ORC2: variants seen among roughly 807,000 people sequenced by gnomAD.
ORC2 encodes origin recognition complex subunit 2, also known as origin recognition complex protein 2 homolog.
Under a neutral mutation model 77.7 loss-of-function variants are expected in ORC2, and 37 were observed. The ratio of observed to expected loss-of-function variants is 0.48; its 90% CI spans 0.37 to 0.63. The LOEUF is 0.63. ORC2 is among the 20% of genes least tolerant of loss of function. The probability of loss-of-function intolerance (pLI) is 0.00; values close to 1 mark genes in which losing one functional copy is unlikely to be tolerated. For synonymous variants in ORC2, 201 were observed against 229.5 expected (o/e 0.88, Z 1.12); for missense variants, 557 against 661.9 (o/e 0.84, Z 1.74).
At chr2:200,919,401 C>T (rs1308381122) in intron 15 of ORC2, among the ~76,000 whole-genome samples, 1 of 152,190 alleles carries the variant, frequency 6.6e-6, no homozygotes, top group Non-Finnish European at 1.5e-5. Context: ...CTCTGTCACG[C>T]AGGCTGGAGT....
chr2:200,947,535 G>C (rs912371738), intron 5 of ORC2, among the ~76,000 whole-genome samples: 16 of 152,070 alleles, frequency 1.1e-4, no homozygotes, highest in Non-Finnish European at 2.1e-4. Flanking sequence ...TACGTTATAA[G>C]CCCTCTTTTT....
At chr2:200,935,281 C>G (rs1357417923) in intron 9 of ORC2, among the ~76,000 whole-genome samples, 1 of 152,180 alleles carries the variant, frequency 6.6e-6, no homozygotes, top group Admixed American at 6.5e-5. Context: ...CATCACCACA[C>G]CTGGCTAATT....
intron 4 of ORC2, among the ~76,000 whole-genome samples, chr2:200,952,322 C>T (rs1351587065): frequency 6.6e-6 from 1 of 152,098 alleles, no homozygotes; most frequent in Non-Finnish European, 1.5e-5. Context: ...TGCAGTGGCA[C>T]GATCTAGGCT....
chr2:200,925,043 A>G (rs1327926555), intron 13 of ORC2, among the ~76,000 whole-genome samples: 4 of 152,230 alleles, frequency 2.6e-5, no homozygotes, highest in African/African-American at 9.6e-5. Context: ...TACAGGCGTC[A>G]GCCACTGCGC....
At position 200,912,585 on chromosome 2, in the gene ORC2, CTCT is replaced by C. The variant is rs745960470; in HGVS notation, c.1647+707_1647+709del. On this transcript the variant is annotated intron_variant, in intron 17 of 17. Transcript: ENST00000234296. ...TACAGCTGCGTGCCACCACAACCAGCTCTTTTTTTTTTTTCTTTCATAGACAGG... is the reference window on the plus strand; with the variant it reads ...TACAGCTGCGTGCCACCACAACCAGCTTTTTTTTTTTCTTTCATAGACAGG... Among the ~76,000 whole-genome samples, 353 of 151,884 alleles carry C rather than the reference CTCT, an allele frequency of 2.3e-3. 2 individuals are homozygous for C. Among genetic ancestry groups the C allele is most frequent in the Non-Finnish European group, 9.9e-4 (67 of 67,956 alleles).
intron 4 of ORC2, among the ~76,000 whole-genome samples, chr2:200,950,633 A>G (rs1407474931): frequency 6.6e-6 from 1 of 152,258 alleles, no homozygotes; most frequent in Admixed American, 6.5e-5. Context: ...GAAGAAGAAA[A>G]TCCAGTTGCC....
intron 2 of ORC2, among the ~76,000 whole-genome samples, chr2:200,958,419 A>G (rs1207968185): frequency 1.3e-5 from 2 of 152,216 alleles, no homozygotes; most frequent in East Asian, 3.8e-4. Flanking sequence ...ATTCTCAGAA[A>G]AACAATTTTA....
intron 4 of ORC2, among the ~76,000 whole-genome samples, chr2:200,954,901 AATG>A (rs2041439051): frequency 7.7e-6 from 1 of 129,634 alleles, no homozygotes; most frequent in African/African-American, 2.8e-5. Flanking sequence ...TGAATGAATG[AATG>A]AATAAATAAA....
At chr2:200,919,199 C>T (rs1035357364) in intron 15 of ORC2, among the ~76,000 whole-genome samples, 4 of 152,190 alleles carry the variant, frequency 2.6e-5, no homozygotes, top group African/African-American at 4.8e-5. Context: ...CCCAAGAACA[C>T]AATATTTCTT....
chr2:200,916,888 A>G (rs374018664), intron 15 of ORC2, among the ~76,000 whole-genome samples: 38 of 150,008 alleles, frequency 2.5e-4, no homozygotes, highest in African/African-American at 7.8e-4. Context: ...TAGAGATGGG[A>G]TTTCACCATG....
intron 5 of ORC2, among the ~76,000 whole-genome samples, chr2:200,946,098 T>C (rs1340599858): frequency 1.3e-5 from 2 of 152,202 alleles, no homozygotes; most frequent in African/African-American, 4.8e-5. Flanking sequence ...ATCTAACTTA[T>C]AGTCTATTTC....
intron 15 of ORC2, among the ~76,000 whole-genome samples, chr2:200,916,015 T>C (rs529843602): frequency 9.9e-5 from 15 of 152,270 alleles, no homozygotes; most frequent in Non-Finnish European, 2.1e-4. Flanking sequence ...ACTTTTTAAC[T>C]AGGTACTACT....
chr2:200,933,811 C>A, intron 10 of ORC2, 65 bp downstream of exon 10: 1 of 790,946 alleles, frequency 1.3e-6, no homozygotes, highest in Non-Finnish European at 2.1e-6. Context: ...AAATCTGTTG[C>A]TTACGTAGCA....
intron 10 of ORC2, among the ~76,000 whole-genome samples, chr2:200,933,643 A>C (rs1269538292): frequency 6.6e-6 from 1 of 152,170 alleles, no homozygotes; most frequent in Middle Eastern, 3.2e-3. Flanking sequence ...TCCTGTGTTC[A>C]CATAATCCTC....
At chr2:200,954,634 C>T (rs1257290062) in intron 4 of ORC2, among the ~76,000 whole-genome samples, 1 of 152,042 alleles carries the variant, frequency 6.6e-6, no homozygotes, top group East Asian at 1.9e-4. Context: ...TTGGGTAAAA[C>T]TGGATCTTGG....
At chr2:200,943,094 T>C (rs934517328) in intron 5 of ORC2, 4 of 169,448 alleles carry the variant, frequency 2.4e-5, no homozygotes, top group Admixed American at 6.3e-5. Flanking sequence ...TTACCATATA[T>C]AGTTGAGGCA....
intron 9 of ORC2, among the ~76,000 whole-genome samples, chr2:200,934,409 G>A (rs1006912190): frequency 4.6e-5 from 7 of 151,792 alleles, no homozygotes; most frequent in African/African-American, 1.7e-4. Context: ...CAACCTCCTG[G>A]GCACAAGGGA....
At chr2:200,933,362 C>G (rs572689516) in intron 10 of ORC2, among the ~76,000 whole-genome samples, 3 of 150,146 alleles carry the variant, frequency 2.0e-5, no homozygotes, top group African/African-American at 7.3e-5. Flanking sequence ...AAGTTTTTAA[C>G]TGAGAGAAAG....
At chr2:200,941,663 A>G (rs1412923304) in intron 6 of ORC2, among the ~76,000 whole-genome samples, 5 of 152,004 alleles carry the variant, frequency 3.3e-5, no homozygotes, top group Non-Finnish European at 5.9e-5. Context: ...CTAACAAGAA[A>G]AACGGAGCCC....
Sources: allele counts gnomAD v4.1 joint callset (sites outside exome capture counted in the v4.1 genomes callset), GRCh38; gene constraint gnomAD v4.1.1; transcripts MANE v1.5; gene names NCBI Gene and HGNC (gene_info 2026-07-23, HGNC 2026-07-21).